Variants in TRMT6 observed in about 807,000 individuals in gnomAD.
The protein encoded by TRMT6 is tRNA methyltransferase 6 non-catalytic subunit, also known as tRNA (adenine(58)-N(1))-methyltransferase non-catalytic subunit TRM6.
A neutral mutation model predicts 59.0 loss-of-function variants in TRMT6; 34 were observed. The observed-to-expected ratio is 0.58, with a 90% CI of 0.44 to 0.77. The LOEUF (loss-of-function observed/expected upper bound fraction) is 0.77, where lower values mean the gene tolerates loss of function less well. Ranked by LOEUF, TRMT6 falls within the 30% of genes least tolerant of loss-of-function variation. TRMT6 has a pLI of 0.00. For synonymous variants in TRMT6, 217 were observed against 210.5 expected (o/e 1.03, Z -0.27); for missense variants, 575 against 604.5 (o/e 0.95, Z 0.51).
At chr20:5,948,927 G>T (rs1035122409) in intron 1 of TRMT6, among the ~76,000 whole-genome samples, 1 of 152,106 alleles carries the variant, frequency 6.6e-6, no homozygotes, top group South Asian at 2.1e-4. Flanking sequence ...CTTAAACCAG[G>T]AGTAAAAGAA....
In TRMT6 at chr20:5,938,691, C is replaced by T. The variant is rs752405434; in HGVS notation, c.1338G>A (p.Met446Ile). 1 of 1,614,228 alleles carries T rather than the reference C, an allele frequency of 6.2e-7. No homozygotes were observed. The highest frequency in any genetic ancestry group is 8.5e-7 in the Non-Finnish European group (1 of 1,180,036). Residue 446 changes from methionine to isoleucine, a missense_variant, in exon 11 of 11, where the codon ATG (methionine) becomes ATA (isoleucine). Coordinates refer to ENST00000203001, the MANE Select transcript of TRMT6 (RefSeq NM_015939.5). The stretch of plus-strand genomic sequence containing the variant: ...AGAGAAGATAACCCCCACCTCCACT[C>T]ATCAGCAGTTTAGGATGACTTCGAT... ...LPDRSHPKLL[M>I]SGGGGYLLSG...
At chr20:5,945,106 G>GC (rs1297372344) in intron 2 of TRMT6, among the ~76,000 whole-genome samples, 192 bp from the exon 3 acceptor site, 2 of 152,188 alleles carry the variant, frequency 1.3e-5, no homozygotes, top group Non-Finnish European at 1.5e-5. Context: ...TCCCAGTCTT[G>GC]CCCCCCTACT....
rs1004893399 is a variant in TRMT6 at position 5,937,781 on chromosome 20, T to A, written c.*754A>T. 1 of 152,232 alleles carries A rather than the reference T, an allele frequency of 6.6e-6. No individual in the cohort carries two copies. The highest frequency in any genetic ancestry group is 2.4e-5 in the African/African-American group (1 of 41,462). 9.4% of individuals were successfully genotyped at this position (152,232 alleles called of 1,614,324 possible). The stretch of plus-strand genomic sequence containing the variant: ...ATATATGTGTGTATATATACCAACA[T>A]CTATATACATATGTGTGTGTGTGCA... On this transcript the variant is annotated 3_prime_UTR_variant, in exon 11 of 11. Transcript: ENST00000203001.
At chr20:5,942,812 C>A (rs1355090067) in intron 6 of TRMT6, 26 bp from the exon 7 acceptor site, 2 of 1,577,200 alleles carry the variant, frequency 1.3e-6, no homozygotes, top group Admixed American at 3.5e-5. Flanking sequence ...AAACAAACAT[C>A]TGCCCGTGGA....
At chr20:5,941,603 A>T in intron 8 of TRMT6, 1 of 552,808 alleles carries the variant, frequency 1.8e-6, no homozygotes, top group Non-Finnish European at 3.2e-6. Flanking sequence ...TTTTTAAAAA[A>T]AATCACCTGG....
In TRMT6 at chr20:5,938,859, CTTTT is replaced by C. The variant is rs1488811585; in HGVS notation, c.1303-137_1303-134del. ...TTTAAATGGACATTTTTTTTTCTTT[CTTTT>C]CTTTTCCCTCCCTCCCTCCCTCTCT... On this transcript the variant is annotated intron_variant, in intron 10 of 10. Transcript: ENST00000203001. 5 of 793,534 alleles carry C rather than the reference CTTTT, an allele frequency of 6.3e-6. No individual in the cohort carries two copies. The East Asian group carries it at 1.1e-4, about 18-fold the overall frequency. The allele number at this position is 793,534 out of a possible 1,614,324, so 49.2% of individuals were successfully genotyped here.
At chr20:5,947,095 C>A (rs1443951537) in intron 1 of TRMT6, among the ~76,000 whole-genome samples, 1 of 152,164 alleles carries the variant, frequency 6.6e-6, no homozygotes, top group Non-Finnish European at 1.5e-5. Context: ...TTAATTCTCA[C>A]GGTAATCCTG....
chr20:5,938,772 G>C (rs1289629846), intron 10 of TRMT6, 46 bp from the exon 11 acceptor site: 3 of 1,561,924 alleles, frequency 1.9e-6, no homozygotes, highest in Admixed American at 1.8e-5. Flanking sequence ...AGACAATAAA[G>C]TCCATGCTAA....
At chr20:5,942,352 C>G (rs1169569426) in intron 7 of TRMT6, 76 bp downstream of exon 7, 73 of 1,351,808 alleles carry the variant, frequency 5.4e-5, no homozygotes, top group Non-Finnish European at 7.3e-5. Flanking sequence ...CAAAGCCAAA[C>G]TAAATCTCAT....
At chr20:5,941,923 A>C in intron 8 of TRMT6, 28 bp downstream of exon 8, 2 of 1,585,020 alleles carry the variant, frequency 1.3e-6, no homozygotes, top group Non-Finnish European at 1.7e-6. Context: ...TGCACTGAGG[A>C]GTCTCCTGCC....
chr20:5,943,432 G>A lies in TRMT6; in HGVS notation c.667+127C>T, dbSNP rs6053799. The A allele has an allele frequency of 3.9e-6, 5 of 1,281,784 alleles. No homozygotes were observed. In the South Asian group the frequency reaches 4.2e-5, roughly 11 times the overall value. 79.4% of individuals were successfully genotyped at this position (1,281,784 alleles called of 1,614,324 possible). Reference sequence around the variant, plus strand: ...AGGTCCCCATGCTAGGAGCCGTGCAGGTTCACCCAAGTCACTTTGTTAACC... The same window carrying A: ...AGGTCCCCATGCTAGGAGCCGTGCAAGTTCACCCAAGTCACTTTGTTAACC... On this transcript the variant is annotated intron_variant, in intron 6 of 10. Transcript: ENST00000203001.
At chr20:5,939,760 C>T (rs2088640344) in intron 10 of TRMT6, among the ~76,000 whole-genome samples, 1 of 152,148 alleles carries the variant, frequency 6.6e-6, no homozygotes, top group Admixed American at 6.5e-5. Context: ...CTTCTCTCCT[C>T]TTTCTCCTGT....
intron 1 of TRMT6, 139 bp from the exon 2 acceptor site, chr20:5,946,672 G>C (rs1383894993): frequency 4.0e-6 from 3 of 745,254 alleles, no homozygotes; most frequent in Non-Finnish European, 6.4e-6. Context: ...AGCAACAAAG[G>C]AACTAGAGAG....
chr20:5,942,251 G>C, intron 7 of TRMT6, 177 bp downstream of exon 7: 1 of 743,076 alleles, frequency 1.3e-6, no homozygotes, highest in Non-Finnish European at 2.3e-6. Flanking sequence ...GTATCCTAAA[G>C]CTCCATCCCG....
At position 5,942,726 on chromosome 20, in the gene TRMT6, C is replaced by G; in HGVS notation, c.728G>C (p.Cys243Ser). ...GAGAAAAGATTTGGGAAATCCAAAACATGCTGTTGCTGCCCGAACAGGTCC... is the reference window on the plus strand; with the variant it reads ...GAGAAAAGATTTGGGAAATCCAAAAGATGCTGTTGCTGCCCGAACAGGTCC... ...GGGPVRAATACFGFPKSFLSG... is the reference protein window; with the variant it reads ...GGGPVRAATASFGFPKSFLSG... The change falls in exon 7 of 11, where the codon TGT becomes TCT. Residue 243 changes from cysteine to serine, a missense_variant. Cys to Ser is a moderately radical substitution (Grantham distance 112, BLOSUM62 -1). Coordinates refer to ENST00000203001, the MANE Select transcript of TRMT6 (RefSeq NM_015939.5). The G allele has an allele frequency of 6.2e-7, 1 of 1,614,092 alleles. No individual in the cohort carries two copies. Among genetic ancestry groups the G allele is most frequent in the South Asian group, 1.1e-5 (1 of 91,054 alleles).
chr20:5,940,202 C>G (rs542037919), intron 10 of TRMT6, among the ~76,000 whole-genome samples: 1 of 152,326 alleles, frequency 6.6e-6, no homozygotes, highest in Non-Finnish European at 1.5e-5. Flanking sequence ...CAACCTGCAC[C>G]ACCAATCTTG....
intron 2 of TRMT6, among the ~76,000 whole-genome samples, chr20:5,946,132 C>T (rs1252842008): frequency 1.3e-5 from 2 of 152,210 alleles, no homozygotes; most frequent in African/African-American, 4.8e-5. Flanking sequence ...AAGAACTTTA[C>T]ATTATGTTCT....
intron 7 of TRMT6, 38 bp downstream of exon 7, chr20:5,942,383 AGGGACTG>A (rs759380895): frequency 3.9e-6 from 6 of 1,530,792 alleles, no homozygotes; most frequent in Middle Eastern, 3.4e-4. Context: ...AAGTTAACTG[AGGGACTG>A]AGATTATGGG....
chr20:5,946,967 A>G (rs1401750423), intron 1 of TRMT6, among the ~76,000 whole-genome samples: 2 of 152,212 alleles, frequency 1.3e-5, no homozygotes, highest in African/African-American at 2.4e-5. Context: ...TCTTATTGCA[A>G]TTTAAAAGAG....
Sources: gnomAD v4.1 joint callset for allele counts (sites outside exome capture counted in the v4.1 genomes callset) on GRCh38, gnomAD v4.1.1 for gene constraint, MANE v1.5 for transcripts, NCBI Gene and HGNC (gene_info 2026-07-23, HGNC 2026-07-21) for gene names.